PRDM16: variants seen among roughly 807,000 people sequenced by gnomAD.
PRDM16 encodes the protein PR/SET domain 16.
A neutral mutation model predicts 110.6 loss-of-function variants in PRDM16; 23 were observed. The ratio of observed to expected loss-of-function variants is 0.21; its 90% confidence interval spans 0.15 to 0.29. PRDM16 has a LOEUF of 0.29. PRDM16 is among the 10% of genes least tolerant of loss of function. The pLI is 1.00. For synonymous variants in PRDM16, 799 were observed against 781.8 expected (o/e 1.02, Z -0.37); for missense variants, 1,615 against 1,794.3 (o/e 0.90, Z 1.81).
At chr1:3,282,678 G>A (rs952316817) in intron 3 of PRDM16, among the ~76,000 whole-genome samples, 2 of 152,188 alleles carry the variant, frequency 1.3e-5, no homozygotes, top group African/African-American at 4.8e-5. Context: ...CATCTCCCGA[G>A]ACCCAGGAAT....
At position 3,433,858 on chromosome 1, in the gene PRDM16, A is replaced by T; in HGVS notation, c.*47A>T. On this transcript the variant is annotated 3_prime_UTR_variant, in exon 17 of 17. Transcript: ENST00000270722. ...GGTGGCCAGAGCGAGGGCACCAGCC[A>T]CGAAGGACGGAGGCGGGCGGGGCCC... 1 of 1,605,270 alleles carries T rather than the reference A, an allele frequency of 6.2e-7. No homozygotes were observed. The highest frequency in any genetic ancestry group is 8.5e-7 in the Non-Finnish European group (1 of 1,176,860).
chr1:3,223,042 T>A (rs1231564588), intron 2 of PRDM16, among the ~76,000 whole-genome samples: 4 of 151,146 alleles, frequency 2.6e-5, no homozygotes, highest in African/African-American at 9.8e-5. Flanking sequence ...AAGCTCCTGT[T>A]CATAGAGGTA....
chr1:3,090,876 A>G (rs1642260945), intron 1 of PRDM16, among the ~76,000 whole-genome samples: 1 of 152,156 alleles, frequency 6.6e-6, no homozygotes, highest in African/African-American at 2.4e-5. Flanking sequence ...CTCCGAGCCG[A>G]AAGCAGAATC....
intron 11 of PRDM16, among the ~76,000 whole-genome samples, 190 bp downstream of exon 11, chr1:3,418,187 A>T (rs1438690104): frequency 6.6e-6 from 1 of 152,200 alleles, no homozygotes; most frequent in Non-Finnish European, 1.5e-5. Flanking sequence ...CCCCTGCCTC[A>T]CGCCATGCTG....
rs988338182 is a variant in PRDM16, at chr1:3,244,339, G to T, written c.438+202G>T. On this transcript the variant is annotated intron_variant, in intron 3 of 16. Coordinates refer to ENST00000270722, the MANE Select transcript of PRDM16 (RefSeq NM_022114.4). This position sits in a 1 kb window ranked among gnomAD's most constrained non-coding sequence, Gnocchi z 4.1. Reference sequence around the variant, plus strand: ...TCATTAGGAGGGATGGGGAGGTGGGGGTCATGTCGCCGTAGGGTCACAGGT... The same window carrying T: ...TCATTAGGAGGGATGGGGAGGTGGGTGTCATGTCGCCGTAGGGTCACAGGT... Among the ~76,000 whole-genome samples the T allele has an allele frequency of 1.3e-5, 2 of 152,092 alleles. No homozygotes were observed. The highest frequency in any genetic ancestry group is 4.8e-5 in the African/African-American group (2 of 41,426).
At chr1:3,315,238 G>A (rs947041137) in intron 3 of PRDM16, among the ~76,000 whole-genome samples, 6 of 131,520 alleles carry the variant, frequency 4.6e-5, no homozygotes, top group African/African-American at 6.0e-5. Flanking sequence ...GTTTTTGAAC[G>A]TCTACAGCGC....
At chr1:3,250,936 G>A (rs1359070268) in intron 3 of PRDM16, among the ~76,000 whole-genome samples, 1 of 152,216 alleles carries the variant, frequency 6.6e-6, no homozygotes, top group African/African-American at 2.4e-5. Context: ...AGGGGGCTGT[G>A]TCCCCCATCT....
rs371061449 is a variant in PRDM16, at chr1:3,208,292, C to A, written c.387+21818C>A. ...GCAGTTTCCCCACTGGCTCGGTTCA[C>A]GTGCGGGCAGCGATTCTCTGGCCCT... On this transcript the variant is annotated intron_variant, in intron 2 of 16. Transcript: ENST00000270722. The surrounding 1 kb of genome is among the most constrained non-coding windows in gnomAD (Gnocchi z 6.1). 1 of 152,190 alleles carries A rather than the reference C, an allele frequency of 6.6e-6. No homozygotes were observed. The highest frequency in any genetic ancestry group is 2.4e-5 in the African/African-American group (1 of 41,428). 9.4% of individuals were successfully genotyped at this position (152,190 alleles called of 1,614,324 possible).
chr1:3,331,245 C>T (rs1241835093), intron 3 of PRDM16, among the ~76,000 whole-genome samples: 1 of 151,982 alleles, frequency 6.6e-6, no homozygotes. Flanking sequence ...ACTGCCCCTT[C>T]CCCCTGCCAG....
chr1:3,225,844 G>A (rs1015364564), intron 2 of PRDM16, among the ~76,000 whole-genome samples: 3 of 152,206 alleles, frequency 2.0e-5, no homozygotes, highest in East Asian at 1.9e-4. Context: ...GGACGGAGCC[G>A]CCGGGGCAGC....
intron 3 of PRDM16, among the ~76,000 whole-genome samples, chr1:3,380,496 G>T (rs565988316): frequency 1.3e-5 from 2 of 152,240 alleles, no homozygotes; most frequent in Admixed American, 1.3e-4. Flanking sequence ...GACCCCACCC[G>T]CAGGGCAGCA....
In PRDM16 at chr1:3,160,972, T is replaced by C. The variant is rs1033106438; in HGVS notation, c.38-25153T>C. On this transcript the variant is annotated intron_variant, in intron 1 of 16. Transcript: ENST00000270722. ...TTATTTTCCCCTACTCCCTTGACAA[T>C]GCTGCCCGTCTATTCGGAGACCCTG... is the stretch of plus-strand genomic sequence containing the variant. Among the ~76,000 whole-genome samples, 5 of 152,212 alleles carry C rather than the reference T, an allele frequency of 3.3e-5. No individual in the cohort carries two copies. The East Asian group carries it at 9.7e-4, about 30-fold the overall frequency.
At chr1:3,335,909 C>T (rs1212248118) in intron 3 of PRDM16, among the ~76,000 whole-genome samples, 1 of 152,224 alleles carries the variant, frequency 6.6e-6, no homozygotes, top group Non-Finnish European at 1.5e-5. Flanking sequence ...GTCTCCATGA[C>T]CAGCCCAGCC....
At chr1:3,162,193 C>A (rs1205820854) in intron 1 of PRDM16, among the ~76,000 whole-genome samples, 6 of 152,214 alleles carry the variant, frequency 3.9e-5, no homozygotes, top group Non-Finnish European at 7.4e-5. Context: ...GGAACCATCA[C>A]CCCTCTCTGT....
intron 3 of PRDM16, among the ~76,000 whole-genome samples, chr1:3,248,690 C>CTA (rs528277366): frequency 5.3e-4 from 81 of 152,316 alleles, no homozygotes; most frequent in Admixed American, 1.5e-3. Flanking sequence ...GTACAAAATG[C>CTA]TACAGGTCAT....
At chr1:3,430,481 C>T (rs945623082) in intron 14 of PRDM16, among the ~76,000 whole-genome samples, 1 of 152,254 alleles carries the variant, frequency 6.6e-6, no homozygotes, top group African/African-American at 2.4e-5. Flanking sequence ...TTCCTTCCCC[C>T]TGAAGTCTGC....
intron 1 of PRDM16, among the ~76,000 whole-genome samples, chr1:3,113,828 G>C (rs1295474832): frequency 6.6e-6 from 1 of 152,262 alleles, no homozygotes; most frequent in Non-Finnish European, 1.5e-5. Flanking sequence ...AGGTGCCCCT[G>C]TGTCTGCCTC....
chr1:3,172,089 C>G (rs970157763), intron 1 of PRDM16, among the ~76,000 whole-genome samples: 1 of 152,136 alleles, frequency 6.6e-6, no homozygotes, highest in Non-Finnish European at 1.5e-5. Flanking sequence ...AGCCAGCTGC[C>G]CTAGGTGTGG....
chr1:3,130,833 G>A lies in PRDM16; in HGVS notation c.38-55292G>A, dbSNP rs115383721. On this transcript the variant is annotated intron_variant, in intron 1 of 16. Transcript: ENST00000270722. ...TTAATTTTTTATCTTTTCTGCTGCC[G>A]GCACACGGTTCTGGGTTTCACAGCG... Among the ~76,000 whole-genome samples, 992 of 150,856 alleles carry A rather than the reference G, an allele frequency of 6.6e-3. 12 individuals carry two copies. Among genetic ancestry groups the A allele is most frequent in the Middle Eastern group, 0.031 (9 of 294 alleles).
Sources: allele counts gnomAD v4.1 joint callset (sites outside exome capture counted in the v4.1 genomes callset), GRCh38; gene constraint gnomAD v4.1.1; non-coding constraint Gnocchi (gnomAD v3.1); transcripts MANE v1.5; gene names NCBI Gene and HGNC (gene_info 2026-07-23, HGNC 2026-07-21).